NFATC2: variants seen among roughly 807,000 people sequenced by gnomAD.
NFATC2 encodes nuclear factor of activated T cells 2.
NFATC2 carries 22 observed loss-of-function variants against 87.3 expected under a neutral mutation model. The ratio of observed to expected loss-of-function variants is 0.25; its 90% confidence interval spans 0.18 to 0.36. The LOEUF is 0.36. NFATC2 is among the 10% of genes least tolerant of loss of function. NFATC2 has a pLI of 1.00. For synonymous variants in NFATC2, 565 were observed against 542.2 expected, an observed-to-expected ratio of 1.04 and a Z score of -0.58; for missense variants, 1,149 against 1,259.1, an observed-to-expected ratio of 0.91 and a Z score of 1.32.
At chr20:51,396,038 GTATATATATATATATATATATATA>G (rs1161908517) in intron 10 of NFATC2, among the ~76,000 whole-genome samples, 626 of 21,264 alleles carry the variant, frequency 0.029, 20 homozygotes, top group South Asian at 0.053. Context: ...CTCCTAGTAT[GTATATATATATATATATATATATA>G]TATATATATA....
In NFATC2 at chr20:51,389,321, A is replaced by G. The variant is rs1360965324; in HGVS notation, c.*2175T>C. The G allele has an allele frequency of 6.6e-6, 1 of 152,180 alleles. No individual in the cohort carries two copies. Among genetic ancestry groups the G allele is most frequent in the African/African-American group, 2.4e-5 (1 of 41,436 alleles). 9.4% of individuals were successfully genotyped at this position (152,180 alleles called of 1,614,324 possible). On this transcript the variant is annotated 3_prime_UTR_variant, in exon 11 of 11. Transcript: ENST00000371564. ...AGGCACTTGGGTAAAACATTCAGAT[A>G]ACTGAGGAAAGCCCAAATTCCCTCA... is the stretch of plus-strand genomic sequence containing the variant.
intron 3 of NFATC2, among the ~76,000 whole-genome samples, chr20:51,493,906 T>C (rs959738947): frequency 2.8e-4 from 42 of 152,108 alleles, no homozygotes; most frequent in African/African-American, 8.9e-4. Flanking sequence ...CGAGACTGGT[T>C]GGGGCTGCGG....
At chr20:51,394,470 T>C (rs1239077875) in intron 10 of NFATC2, among the ~76,000 whole-genome samples, 2 of 152,092 alleles carry the variant, frequency 1.3e-5, no homozygotes, top group African/African-American at 2.4e-5. Context: ...TCTAACACTT[T>C]TCCTTTTCGC....
Position 51,477,521 on chromosome 20 carries a change from ATGTG to A in NFATC2, c.1333-1865_1333-1862del, listed in dbSNP as rs550229417. ...TATATATACACATATATATATACAT[ATGTG>A]TGTGTGTGTCTATATATATATATAT... On this transcript the variant is annotated intron_variant, in intron 3 of 10. Transcript: ENST00000371564. Among the ~76,000 whole-genome samples the A allele has an allele frequency of 5.6e-5, 7 of 124,116 alleles. No homozygotes were observed. The East Asian group carries it at 1.2e-3, about 21-fold the overall frequency. 81.4% of individuals were successfully genotyped at this position (124,116 alleles called of 152,430 possible).
At chr20:51,496,139 C>G (rs6021253) in intron 3 of NFATC2, among the ~76,000 whole-genome samples, 95,839 of 152,010 alleles carry the variant, frequency 0.63, 32,210 homozygotes, top group African/African-American at 0.88. Flanking sequence ...AGACCCCATG[C>G]GGGAGGCAGA....
At chr20:51,484,688 C>T (rs959105687) in intron 3 of NFATC2, among the ~76,000 whole-genome samples, 19 of 152,378 alleles carry the variant, frequency 1.2e-4, no homozygotes, top group African/African-American at 4.6e-4. Flanking sequence ...CGGCCCACAG[C>T]GACCATTGTG....
intron 1 of NFATC2, among the ~76,000 whole-genome samples, chr20:51,555,510 G>A (rs190646500): frequency 1.2e-4 from 18 of 152,006 alleles, no homozygotes; most frequent in African/African-American, 3.6e-4. Flanking sequence ...GGAAAATGGC[G>A]TGAATCCGGG....
At chr20:51,445,942 T>C (rs1425971744) in intron 6 of NFATC2, among the ~76,000 whole-genome samples, 1 of 152,178 alleles carries the variant, frequency 6.6e-6, no homozygotes, top group East Asian at 1.9e-4. Context: ...TAGACGTGAC[T>C]CTTCTCGGCC....
At chr20:51,550,876 G>A (rs1020908913) in intron 1 of NFATC2, among the ~76,000 whole-genome samples, 3 of 152,284 alleles carry the variant, frequency 2.0e-5, no homozygotes, top group African/African-American at 4.8e-5. Flanking sequence ...TCACACCATC[G>A]TAAAGAAAGC....
chr20:51,413,422 C>T (rs1420528037), intron 9 of NFATC2, among the ~76,000 whole-genome samples: 1 of 152,104 alleles, frequency 6.6e-6, no homozygotes, highest in Non-Finnish European at 1.5e-5. Flanking sequence ...TTTTTATTTG[C>T]ACTCCTGAAC....
chr20:51,395,749 T>G (rs927417559), intron 10 of NFATC2, among the ~76,000 whole-genome samples: 1 of 152,132 alleles, frequency 6.6e-6, no homozygotes, highest in South Asian at 2.1e-4. Context: ...AAGTCATTTA[T>G]ATATAAAGAG....
intron 9 of NFATC2, among the ~76,000 whole-genome samples, chr20:51,422,616 T>C (rs1600700165): frequency 6.8e-6 from 1 of 147,902 alleles, no homozygotes; most frequent in Non-Finnish European, 1.5e-5. Flanking sequence ...GGAAAATTGG[T>C]GCTAAAACAA....
rs138128549 is a variant in NFATC2, at chr20:51,421,427, C to T, written c.2722+10640G>A. Among the ~76,000 whole-genome samples, 676 of 152,300 alleles carry T rather than the reference C, an allele frequency of 4.4e-3. 3 individuals are homozygous for T. Among genetic ancestry groups the T allele is most frequent in the Middle Eastern group, 6.8e-3 (2 of 294 alleles). ...GCACTTCCGTAATGGGGGCACAATT[C>T]AAACGCCTAATGGGTCCAGATAGGA... On this transcript the variant is annotated intron_variant, in intron 9 of 10. Coordinates refer to ENST00000371564, the MANE Select transcript of NFATC2 (RefSeq NM_012340.5).
rs183691271 is a variant in NFATC2 at position 51,472,467 on chromosome 20, T to C, written c.1708+1513A>G. Among the ~76,000 whole-genome samples the C allele has an allele frequency of 4.7e-3, 718 of 152,048 alleles. 3 individuals carry two copies. The highest frequency in any genetic ancestry group is 7.2e-3 in the Non-Finnish European group (489 of 67,990). On this transcript the variant is annotated intron_variant, in intron 5 of 10. Coordinates refer to ENST00000371564, the MANE Select transcript of NFATC2 (RefSeq NM_012340.5). The stretch of plus-strand genomic sequence containing the variant: ...AAGTTGATATTGTGACACCTAGTTA[T>C]GGTAAAATGTCCAGCAAAAAGGAAA...
chr20:51,495,989 C>T (rs1321632015), intron 3 of NFATC2, among the ~76,000 whole-genome samples: 2 of 152,142 alleles, frequency 1.3e-5, no homozygotes, highest in African/African-American at 2.4e-5. Context: ...AACACTTGGA[C>T]GTGAAGGTCA....
chr20:51,393,687 C>T lies in NFATC2; in HGVS notation c.*45-2236G>A, dbSNP rs186727144. On this transcript the variant is annotated intron_variant, in intron 10 of 10. Coordinates refer to ENST00000371564, the MANE Select transcript of NFATC2 (RefSeq NM_012340.5). ...ACTTATGTAGCGAAAGCCAAATGCCCGGGGCAGGTGGGGTCGGGGCAGCTT... is the reference window on the plus strand; with the variant it reads ...ACTTATGTAGCGAAAGCCAAATGCCTGGGGCAGGTGGGGTCGGGGCAGCTT... Among the ~76,000 whole-genome samples the T allele has an allele frequency of 2.1e-4, 32 of 152,218 alleles. No individual in the cohort carries two copies. The East Asian group carries it at 5.8e-3, about 28-fold the overall frequency.
intron 9 of NFATC2, among the ~76,000 whole-genome samples, chr20:51,417,091 A>C (rs1220364972): frequency 6.6e-6 from 1 of 152,110 alleles, no homozygotes; most frequent in African/African-American, 2.4e-5. Flanking sequence ...ACGTGCCTCT[A>C]ACCACCCATT....
intron 1 of NFATC2, among the ~76,000 whole-genome samples, chr20:51,531,571 G>C (rs1015412201): frequency 2.6e-5 from 4 of 152,138 alleles, no homozygotes; most frequent in African/African-American, 9.7e-5. Flanking sequence ...GTCAACAGAG[G>C]GTAGCACGGG....
chr20:51,547,601 C>T (rs6126251), upstream of NFATC2, among the ~76,000 whole-genome samples: 31,484 of 152,034 alleles, frequency 0.21, 4,214 homozygotes, highest in South Asian at 0.44. Flanking sequence ...TATCCAATGA[C>T]GACCCAACAT....
Sources: allele counts gnomAD v4.1 joint callset (sites outside exome capture counted in the v4.1 genomes callset), GRCh38; gene constraint gnomAD v4.1.1; transcripts MANE v1.5; gene names NCBI Gene and HGNC (gene_info 2026-07-23, HGNC 2026-07-21).